Variants in MTHFD2L observed in about 807,000 individuals in gnomAD.
MTHFD2L encodes bifunctional methylenetetrahydrofolate dehydrogenase/cyclohydrolase 2, mitochondrial.
MTHFD2L carries 29 observed loss-of-function variants against 34.9 expected under a neutral mutation model. The observed-to-expected ratio is 0.83, with a 90% CI of 0.62 to 1.13. MTHFD2L has a LOEUF of 1.13. MTHFD2L is among the 50% of genes most tolerant of loss of function. The probability of loss-of-function intolerance (pLI) is 0.00; values close to 1 mark genes in which losing one functional copy is unlikely to be tolerated. For synonymous variants in MTHFD2L, 167 were observed against 155.7 expected (o/e 1.07, Z -0.54); for missense variants, 481 against 446.5 (o/e 1.08, Z -0.70).
At position 74,179,181 on chromosome 4, in the gene MTHFD2L, A is replaced by C. The variant is rs544940917; in HGVS notation, c.451+3778A>C. Among the ~76,000 whole-genome samples, 8 of 152,188 alleles carry C rather than the reference A, an allele frequency of 5.3e-5. No homozygotes were observed. The South Asian group carries it at 1.7e-3, about 32-fold the overall frequency. Reference sequence around the variant, plus strand: ...CCAAGACCCAAACCCAGATCAACTGATTTCAGAGCCTGCCTTTTAAACTTC... The same window carrying C: ...CCAAGACCCAAACCCAGATCAACTGCTTTCAGAGCCTGCCTTTTAAACTTC... On this transcript the variant is annotated intron_variant, in intron 3 of 7. Transcript: ENST00000325278.
chr4:74,245,810 TC>T (rs1294798236), intron 6 of MTHFD2L, among the ~76,000 whole-genome samples: 1 of 152,022 alleles, frequency 6.6e-6, no homozygotes, highest in African/African-American at 2.4e-5. Context: ...CATGAACTCA[TC>T]CTTTTTTATG....
chr4:74,222,838 C>G (rs1382253794), intron 5 of MTHFD2L, among the ~76,000 whole-genome samples: 1 of 152,000 alleles, frequency 6.6e-6, no homozygotes, highest in African/African-American at 2.4e-5. Context: ...ATCCTTTACT[C>G]TCATTTTTTT....
upstream of MTHFD2L, chr4:74,157,970 C>G (rs758185696): frequency 1.1e-5 from 12 of 1,062,530 alleles, no homozygotes; most frequent in Admixed American, 6.0e-5. Flanking sequence ...GTTCCGTCCC[C>G]GGTCCTGGGA....
At chr4:74,241,775 T>C (rs1046316144) in intron 6 of MTHFD2L, 1 of 184,188 alleles carries the variant, frequency 5.4e-6, no homozygotes, top group Admixed American at 6.0e-5. Flanking sequence ...TGTATATCCA[T>C]TCATGCAATA....
Position 74,278,027 on chromosome 4 carries a change from C to A in MTHFD2L, c.806-3398C>A, listed in dbSNP as rs565500609. 4.0e-5 allele frequency among the ~76,000 whole-genome samples: 6 copies of A among 151,800 alleles called. No homozygotes were observed. The East Asian group carries it at 1.2e-3, about 29-fold the overall frequency. On this transcript the variant is annotated intron_variant, in intron 6 of 7. Transcript: ENST00000325278. ...CACTTATTTCACTGAAAAATTCTTG[C>A]TACAAAAAAAAATAAAGTTAGCTGA... is the stretch of plus-strand genomic sequence containing the variant.
chr4:74,243,424 G>A lies in MTHFD2L; in HGVS notation c.805+18030G>A, dbSNP rs1157361081. Reference sequence around the variant, plus strand: ...GTTATGGTAGCATAAAAACTCTGCCGTGAAGACCTTTGACCTATTTGAGGC... The same window carrying A: ...GTTATGGTAGCATAAAAACTCTGCCATGAAGACCTTTGACCTATTTGAGGC... On this transcript the variant is annotated intron_variant, in intron 6 of 7. Coordinates refer to ENST00000325278, the MANE Select transcript of MTHFD2L (RefSeq NM_001144978.3). 5.3e-5 allele frequency among the ~76,000 whole-genome samples: 8 copies of A among 152,250 alleles called. No homozygotes were observed. The East Asian group carries it at 5.8e-4, about 11-fold the overall frequency.
intron 5 of MTHFD2L, among the ~76,000 whole-genome samples, chr4:74,208,840 C>G (rs1365510646): frequency 6.6e-6 from 1 of 152,096 alleles, no homozygotes; most frequent in East Asian, 1.9e-4. Context: ...TCATTTCGCC[C>G]TCTAAAGAAG....
intron 6 of MTHFD2L, among the ~76,000 whole-genome samples, chr4:74,243,871 C>T (rs1030836174): frequency 6.6e-6 from 1 of 152,148 alleles, no homozygotes; most frequent in African/African-American, 2.4e-5. Flanking sequence ...TAATAGTGGG[C>T]TCTGTGAAAT....
chr4:74,298,226 ATCT>A (rs888396366), intron 7 of MTHFD2L, among the ~76,000 whole-genome samples: 7 of 152,090 alleles, frequency 4.6e-5, no homozygotes, highest in African/African-American at 1.7e-4. Context: ...TGATATTATA[ATCT>A]TCTGCCTCGT....
At position 74,301,262 on chromosome 4, in the gene MTHFD2L, A is replaced by C. The variant is rs16850879; in HGVS notation, c.932-435A>C. On this transcript the variant is annotated intron_variant, in intron 7 of 7. Transcript: ENST00000325278. Reference sequence around the variant, plus strand: ...ATTGAAATGTATTATCCACACATACATTGTGATATTGTTATAACAGGAATA... The same window carrying C: ...ATTGAAATGTATTATCCACACATACCTTGTGATATTGTTATAACAGGAATA... Among the ~76,000 whole-genome samples the C allele has an allele frequency of 6.2e-3, 944 of 152,232 alleles. 11 individuals are homozygous for C. The highest frequency in any genetic ancestry group is 0.022 in the African/African-American group (905 of 41,572).
At chr4:74,255,399 A>C (rs1261993914) in intron 6 of MTHFD2L, among the ~76,000 whole-genome samples, 3 of 152,178 alleles carry the variant, frequency 2.0e-5, no homozygotes, top group Non-Finnish European at 4.4e-5. Context: ...GCATAATACT[A>C]CAAATATCAT....
chr4:74,202,566 G>A (rs917250323), intron 5 of MTHFD2L, among the ~76,000 whole-genome samples: 7 of 152,290 alleles, frequency 4.6e-5, no homozygotes, highest in African/African-American at 1.7e-4. Context: ...CCAGTGCTGT[G>A]GGAGGAGGGC....
intron 3 of MTHFD2L, among the ~76,000 whole-genome samples, chr4:74,185,585 T>C (rs56896590): frequency 0.05 from 7,634 of 152,166 alleles, 599 homozygotes; most frequent in African/African-American, 0.17. Flanking sequence ...ATACCAGGAC[T>C]TAGGGTGGTA....
intron 7 of MTHFD2L, among the ~76,000 whole-genome samples, chr4:74,284,931 G>A (rs1350678668): frequency 6.6e-6 from 1 of 152,020 alleles, no homozygotes; most frequent in Non-Finnish European, 1.5e-5. Context: ...CAAAGACTTG[G>A]AACCAACCCA....
upstream of MTHFD2L, among the ~76,000 whole-genome samples, chr4:74,119,738 G>A (rs766592109): frequency 1.1e-4 from 16 of 151,908 alleles, no homozygotes; most frequent in African/African-American, 2.7e-4. Flanking sequence ...AGCCGAGATC[G>A]TGCCACTGCA....
intron 6 of MTHFD2L, among the ~76,000 whole-genome samples, chr4:74,246,402 C>G (rs1331367186): frequency 2.0e-5 from 3 of 151,578 alleles, no homozygotes; most frequent in Non-Finnish European, 4.4e-5. Context: ...GAGTAGGTTG[C>G]GAAAATTTTC....
intron 5 of MTHFD2L, among the ~76,000 whole-genome samples, chr4:74,210,591 G>A (rs1736137102): frequency 1.3e-5 from 2 of 152,234 alleles, no homozygotes; most frequent in African/African-American, 4.8e-5. Flanking sequence ...TTTTATTACT[G>A]TGGCCTTGTA....
intron 5 of MTHFD2L, among the ~76,000 whole-genome samples, chr4:74,223,718 C>CA (rs1419741609): frequency 2.6e-5 from 4 of 151,886 alleles, no homozygotes. Context: ...TTTATTGGTA[C>CA]ATTGCTAAGT....
At chr4:74,199,301 ATT>A (rs1301255582) in intron 3 of MTHFD2L, among the ~76,000 whole-genome samples, 1 of 151,970 alleles carries the variant, frequency 6.6e-6, no homozygotes, top group Non-Finnish European at 1.5e-5. Context: ...TTTATATTAG[ATT>A]TTTTGTTATG....
Sources: allele counts gnomAD v4.1 joint callset (sites outside exome capture counted in the v4.1 genomes callset), GRCh38; gene constraint gnomAD v4.1.1; transcripts MANE v1.5; gene names NCBI Gene and HGNC (gene_info 2026-07-23, HGNC 2026-07-21).